The following EBF1 variants were observed in gnomAD, a reference collection of about 807,000 sequenced individuals.
EBF1 encodes EBF transcription factor 1.
EBF1 carries 10 observed loss-of-function variants against 68.4 expected under a neutral mutation model. The observed-to-expected ratio is 0.15, with a 90% CI of 0.09 to 0.25. The LOEUF (loss-of-function observed/expected upper bound fraction) is 0.25, where lower values mean the gene tolerates loss of function less well. Among genes scored for constraint, EBF1 ranks in the 10% least tolerant of loss-of-function variants. EBF1 has a pLI of 1.00. For missense variants in EBF1, 509 were observed against 794.4 expected (o/e 0.64, Z 4.32); for synonymous variants, 298 against 299.8 (o/e 0.99, Z 0.06).
chr5:158,866,855 A>G (rs866694583), intron 6 of EBF1, among the ~76,000 whole-genome samples: 1,129 of 12,046 alleles, frequency 0.094, 9 homozygotes, highest in South Asian at 0.24. Flanking sequence ...ATATATATAT[A>G]TATATATATA....
At chr5:158,776,075 G>A (rs1274020999) in intron 10 of EBF1, among the ~76,000 whole-genome samples, 2 of 152,080 alleles carry the variant, frequency 1.3e-5, no homozygotes, top group Non-Finnish European at 2.9e-5. Flanking sequence ...ACTTTGTTGG[G>A]ATGGCTGAGC....
rs115259573 is a variant in EBF1, at chr5:158,770,451, T to C, written c.1036+6962A>G. ...TTCCCAAAATGTAAACCTGGTCACG[T>C]CCACCTGTCATTTCAGACACTTCAA... is the stretch of plus-strand genomic sequence containing the variant. On this transcript the variant is annotated intron_variant, in intron 10 of 15. Transcript: ENST00000313708. Among the ~76,000 whole-genome samples the C allele has an allele frequency of 3.9e-3, 589 of 152,258 alleles. 5 individuals carry two copies. The highest frequency in any genetic ancestry group is 0.013 in the African/African-American group (559 of 41,564).
intron 6 of EBF1, among the ~76,000 whole-genome samples, chr5:158,859,589 T>C (rs1794633913): frequency 6.6e-6 from 1 of 152,204 alleles, no homozygotes; most frequent in Non-Finnish European, 1.5e-5. Context: ...TTGGGACTAT[T>C]TCTGGCTGAA....
At chr5:158,905,653 T>G (rs1190854480) in intron 6 of EBF1, among the ~76,000 whole-genome samples, 4 of 152,358 alleles carry the variant, frequency 2.6e-5, no homozygotes, top group Middle Eastern at 3.4e-3. Context: ...ATTCAGTTCC[T>G]TTGCACAGGA....
intron 6 of EBF1, among the ~76,000 whole-genome samples, chr5:158,913,389 C>T (rs1289911162): frequency 1.3e-5 from 2 of 152,298 alleles, no homozygotes; most frequent in African/African-American, 4.8e-5. Context: ...CACAGGGGGA[C>T]ATTTCACTTG....
chr5:158,922,798 C>A (rs998709152), intron 6 of EBF1, among the ~76,000 whole-genome samples: 1 of 152,150 alleles, frequency 6.6e-6, no homozygotes, highest in African/African-American at 2.4e-5. Context: ...ATTGAGAAAG[C>A]CTGAGCCAGA....
In EBF1 at chr5:159,050,387, G is replaced by A. The variant is rs562905153; in HGVS notation, c.554+23009C>T. ...CAGGACCATCAGTCCTCCCACAAGG[G>A]ACTGTCTCCCCTCCTGCCCAGGTGG... is the stretch of plus-strand genomic sequence containing the variant. On this transcript the variant is annotated intron_variant, in intron 6 of 15. Transcript: ENST00000313708. 1.4e-4 allele frequency among the ~76,000 whole-genome samples: 21 copies of A among 152,174 alleles called. No homozygotes were observed. In the South Asian group the frequency reaches 4.2e-3, roughly 30 times the overall value.
intron 6 of EBF1, among the ~76,000 whole-genome samples, chr5:158,967,617 C>A (rs1329430707): frequency 1.3e-5 from 2 of 152,188 alleles, no homozygotes. Flanking sequence ...GGATTTCAGA[C>A]AGCAGCAGGA....
At chr5:158,941,724 C>A (rs2127473057) in intron 6 of EBF1, among the ~76,000 whole-genome samples, 2 of 152,206 alleles carry the variant, frequency 1.3e-5, no homozygotes, top group South Asian at 4.2e-4. Context: ...CAGTCCACAC[C>A]CCTGCTGAAA....
intron 8 of EBF1, among the ~76,000 whole-genome samples, chr5:158,803,803 C>A (rs1218252646): frequency 1.3e-5 from 2 of 151,538 alleles, no homozygotes; most frequent in Non-Finnish European, 2.9e-5. Flanking sequence ...TCAGTAATTG[C>A]ATTATGCAGT....
At chr5:158,745,645 G>C (rs1396089697) in intron 10 of EBF1, among the ~76,000 whole-genome samples, 1 of 152,168 alleles carries the variant, frequency 6.6e-6, no homozygotes, top group African/African-American at 2.4e-5. Flanking sequence ...TTGAATTTAG[G>C]CCCCAAAGAA....
chr5:158,853,647 G>T (rs1437380692), intron 6 of EBF1, among the ~76,000 whole-genome samples: 2 of 152,114 alleles, frequency 1.3e-5, no homozygotes, highest in African/African-American at 2.4e-5. Context: ...TGCTGAGAGG[G>T]TGGCAGGAGA....
Position 159,033,261 on chromosome 5 carries a change from T to C in EBF1, c.554+40135A>G, listed in dbSNP as rs191987454. Among the ~76,000 whole-genome samples, 35 of 152,366 alleles carry C rather than the reference T, an allele frequency of 2.3e-4. No homozygotes were observed. The East Asian group carries it at 5.8e-3, about 25-fold the overall frequency. On this transcript the variant is annotated intron_variant, in intron 6 of 15. Coordinates refer to ENST00000313708, the MANE Select transcript of EBF1 (RefSeq NM_024007.5). ...GCACAGGAAAGGCAGATTCTGAGCATAACTCCAGAGCCCCAGCTTTTCCTA... is the reference window on the plus strand; with the variant it reads ...GCACAGGAAAGGCAGATTCTGAGCACAACTCCAGAGCCCCAGCTTTTCCTA...
rs146765186 is a variant in EBF1, at chr5:158,971,158, C to T, written c.554+102238G>A. The stretch of plus-strand genomic sequence containing the variant: ...TCTTCGGAATAATGAAATCTGGGCA[C>T]GCCCATCTGTAAAGTGGGGATAACA... On this transcript the variant is annotated intron_variant, in intron 6 of 15. Coordinates refer to ENST00000313708, the MANE Select transcript of EBF1 (RefSeq NM_024007.5). Among the ~76,000 whole-genome samples, 292 of 152,306 alleles carry T rather than the reference C, an allele frequency of 1.9e-3. 2 individuals are homozygous for T. In the East Asian group the frequency reaches 0.041, roughly 22 times the overall value.
intron 6 of EBF1, among the ~76,000 whole-genome samples, chr5:158,930,013 G>C (rs1330046939): frequency 6.6e-6 from 1 of 152,218 alleles, no homozygotes; most frequent in African/African-American, 2.4e-5. Flanking sequence ...CGTTGAAAAT[G>C]ATACTTCAGC....
intron 6 of EBF1, among the ~76,000 whole-genome samples, chr5:158,849,855 G>A (rs954112967): frequency 1.3e-5 from 2 of 152,126 alleles, no homozygotes; most frequent in Non-Finnish European, 2.9e-5. Flanking sequence ...AGGGATGTTG[G>A]CCCCATTCTA....
chr5:159,085,101 C>T (rs751875731), intron 4 of EBF1, among the ~76,000 whole-genome samples: 2 of 152,156 alleles, frequency 1.3e-5, no homozygotes, highest in Non-Finnish European at 2.9e-5. Flanking sequence ...TACAGAAAAG[C>T]ATTTGGATTT....
intron 7 of EBF1, among the ~76,000 whole-genome samples, chr5:158,833,418 T>C (rs1788050034): frequency 6.6e-6 from 1 of 152,242 alleles, no homozygotes; most frequent in South Asian, 2.1e-4. Context: ...ATATTTGTAA[T>C]TGTTAATTTG....
At position 158,910,099 on chromosome 5, in the gene EBF1, T is replaced by C. The variant is rs74884548; in HGVS notation, c.555-69989A>G. On this transcript the variant is annotated intron_variant, in intron 6 of 15. Transcript: ENST00000313708. ...TGCATACATTTGAAATGAAGAGACA[T>C]TGTCATCCTCATTGAGCTATGGAAT... Among the ~76,000 whole-genome samples the C allele has an allele frequency of 5.9e-3, 893 of 152,150 alleles. 14 individuals carry two copies. Among genetic ancestry groups the C allele is most frequent in the African/African-American group, 0.021 (854 of 41,522 alleles).
Sources: gnomAD v4.1 joint callset for allele counts (sites outside exome capture counted in the v4.1 genomes callset) on GRCh38, gnomAD v4.1.1 for gene constraint, MANE v1.5 for transcripts, NCBI Gene and HGNC (gene_info 2026-07-23, HGNC 2026-07-21) for gene names.